The following POLR3G variants were observed in gnomAD, a reference collection of about 807,000 sequenced individuals.
POLR3G encodes the protein DNA-directed RNA polymerase III subunit RPC7.
In POLR3G, 28 loss-of-function variants were observed where a neutral mutation model predicts 30.1. That is an observed-to-expected ratio of 0.93 (90% CI 0.69 to 1.27). The LOEUF is 1.27. POLR3G is among the 50% of genes most tolerant of loss of function. POLR3G has a pLI of 0.00. For synonymous variants in POLR3G, 79 were observed against 82.5 expected, an observed-to-expected ratio of 0.96 and a Z score of 0.23; for missense variants, 254 against 264.6, an observed-to-expected ratio of 0.96 and a Z score of 0.28.
At chr5:90,480,843 G>GT (rs1340133115) in intron 1 of POLR3G, among the ~76,000 whole-genome samples, 2 of 152,146 alleles carry the variant, frequency 1.3e-5, no homozygotes, top group Non-Finnish European at 2.9e-5. Context: ...AGAGTGAAAG[G>GT]TGTGACCCCT....
At chr5:90,492,141 A>G (rs1258596770) in intron 3 of POLR3G, among the ~76,000 whole-genome samples, 2 of 152,230 alleles carry the variant, frequency 1.3e-5, no homozygotes, top group Non-Finnish European at 2.9e-5. Context: ...GATGATGATG[A>G]AATTGATTGT....
chr5:90,506,289 C>T (rs2151914400), intron 6 of POLR3G, among the ~76,000 whole-genome samples: 1 of 152,184 alleles, frequency 6.6e-6, no homozygotes, highest in African/African-American at 2.4e-5. Context: ...AGCTGATAAG[C>T]CCAATATTAA....
At chr5:90,501,504 G>C (rs1404917335) in intron 5 of POLR3G, among the ~76,000 whole-genome samples, 3 of 152,076 alleles carry the variant, frequency 2.0e-5, no homozygotes, top group Non-Finnish European at 4.4e-5. Context: ...GATTCCTCTG[G>C]TTAAAATGAA....
At chr5:90,511,526 A>G (rs1752739883) in intron 7 of POLR3G, among the ~76,000 whole-genome samples, 3 of 152,120 alleles carry the variant, frequency 2.0e-5, no homozygotes, top group African/African-American at 7.2e-5. Flanking sequence ...TGCATGGATG[A>G]TAGTCTTATT....
At position 90,488,070 on chromosome 5, in the gene POLR3G, A is replaced by G. The variant is rs1341920762; in HGVS notation, c.188A>G (p.Glu63Gly). Residue 63 changes from glutamate (E) to glycine (G), a missense_variant, in exon 3 of 8, where the codon GAG (glutamate) becomes GGG (glycine). Glu to Gly is a moderately conservative substitution (Grantham distance 98). Coordinates refer to ENST00000651687, the MANE Select transcript of POLR3G (RefSeq NM_006467.3). ...GAATATATGCTGGCTTTGAAACAGG[A>G]GTTGAGAGAAACAATGAAAAGAATG... is the stretch of plus-strand genomic sequence containing the variant. ...GEEYMLALKQ[E>G]LRETMKRMPY... 6.2e-7 allele frequency: 1 copy of G among 1,612,238 alleles called. No homozygotes were observed. The highest frequency in any genetic ancestry group is 8.5e-7 in the Non-Finnish European group (1 of 1,179,132).
At chr5:90,499,471 C>T (rs1269546195) in intron 5 of POLR3G, among the ~76,000 whole-genome samples, 1 of 152,158 alleles carries the variant, frequency 6.6e-6, no homozygotes, top group African/African-American at 2.4e-5. Flanking sequence ...GTTATTGTGA[C>T]CTCAGTGAGA....
At chr5:90,507,848 A>G (rs1456091806) in intron 7 of POLR3G, among the ~76,000 whole-genome samples, 1 of 152,172 alleles carries the variant, frequency 6.6e-6, no homozygotes, top group South Asian at 2.1e-4. Context: ...GCTCTCTGAC[A>G]TGATTGAAAC....
At chr5:90,506,811 G>A (rs374024266) in intron 7 of POLR3G, 137 bp downstream of exon 7, 51 of 1,315,128 alleles carry the variant, frequency 3.9e-5, no homozygotes, top group South Asian at 1.0e-4. Context: ...CAATGGCATC[G>A]ATTCCTTGCT....
intron 2 of POLR3G, among the ~76,000 whole-genome samples, chr5:90,487,051 CACAT>C (rs1280293726): frequency 1.1e-4 from 17 of 152,274 alleles, no homozygotes; most frequent in African/African-American, 4.1e-4. Context: ...AATATATACA[CACAT>C]ACAAACGCGT....
chr5:90,482,646 G>C (rs983376843), intron 1 of POLR3G, among the ~76,000 whole-genome samples: 1 of 152,146 alleles, frequency 6.6e-6, no homozygotes, highest in African/African-American at 2.4e-5. Context: ...ATCAGTGCTT[G>C]AGATATTTTG....
At chr5:90,500,298 C>G (rs1309723587) in intron 5 of POLR3G, among the ~76,000 whole-genome samples, 2 of 152,004 alleles carry the variant, frequency 1.3e-5, no homozygotes, top group East Asian at 3.8e-4. Context: ...TCTTGAAGAA[C>G]CAGCTACTGC....
chr5:90,473,972 CGCCTCG>C (rs1750634435), upstream of POLR3G: 1 of 1,599,496 alleles, frequency 6.3e-7, no homozygotes, highest in Non-Finnish European at 8.5e-7. Context: ...CGCGAGCCAG[CGCCTCG>C]GCCTCGGCGT....
At chr5:90,498,601 C>A (rs1007899977) in intron 5 of POLR3G, among the ~76,000 whole-genome samples, 3 of 152,142 alleles carry the variant, frequency 2.0e-5, no homozygotes, top group Admixed American at 6.6e-5. Flanking sequence ...CTAAGAAAGA[C>A]TTTTCAATTA....
At chr5:90,485,230 T>G (rs1356538809) in intron 1 of POLR3G, among the ~76,000 whole-genome samples, 1 of 152,214 alleles carries the variant, frequency 6.6e-6, no homozygotes, top group Non-Finnish European at 1.5e-5. Flanking sequence ...CCACTTTTTA[T>G]GTACATTACA....
chr5:90,481,083 A>T (rs2963698), intron 1 of POLR3G, among the ~76,000 whole-genome samples: 19 of 152,166 alleles, frequency 1.2e-4, no homozygotes, highest in African/African-American at 4.1e-4. Flanking sequence ...TCCAATTAAT[A>T]AAACAGAAAG....
intron 1 of POLR3G, among the ~76,000 whole-genome samples, chr5:90,481,516 G>A (rs1751121744): frequency 6.6e-6 from 1 of 152,148 alleles, no homozygotes; most frequent in African/African-American, 2.4e-5. Flanking sequence ...TGTCTCCTGA[G>A]ACCTTGATAA....
intron 7 of POLR3G, among the ~76,000 whole-genome samples, chr5:90,510,848 A>G (rs1752703792): frequency 6.6e-6 from 1 of 151,074 alleles, no homozygotes; most frequent in Admixed American, 6.6e-5. Flanking sequence ...AAATATATTA[A>G]AAATCCCACT....
At chr5:90,510,912 G>A (rs12655180) in intron 7 of POLR3G, among the ~76,000 whole-genome samples, 41,682 of 151,136 alleles carry the variant, frequency 0.28, 7,044 homozygotes, top group Middle Eastern at 0.39. Flanking sequence ...AAAATTGATA[G>A]GAGACTTTCT....
chr5:90,481,559 A>C (rs563463788), intron 1 of POLR3G, among the ~76,000 whole-genome samples: 51 of 152,300 alleles, frequency 3.3e-4, no homozygotes, highest in African/African-American at 1.2e-3. Context: ...TCTGCAGCCA[A>C]CTGATTCAAA....
Sources: gnomAD v4.1 joint callset for allele counts (sites outside exome capture counted in the v4.1 genomes callset) on GRCh38, gnomAD v4.1.1 for gene constraint, MANE v1.5 for transcripts, NCBI Gene and HGNC (gene_info 2026-07-23, HGNC 2026-07-21) for gene names.